The following TENT2 variants were observed in gnomAD, a reference collection of about 807,000 sequenced individuals.
TENT2 encodes terminal nucleotidyltransferase 2.
Under a neutral mutation model 72.2 loss-of-function variants are expected in TENT2, and 44 were observed. That is an observed-to-expected ratio of 0.61 (90% confidence interval 0.48 to 0.78). The LOEUF (loss-of-function observed/expected upper bound fraction) is 0.78, where lower values mean the gene tolerates loss of function less well. Ranked by LOEUF, TENT2 falls within the 30% of genes least tolerant of loss-of-function variation. TENT2 has a pLI of 0.00. For synonymous variants in TENT2, 212 were observed against 192.5 expected (o/e 1.10, Z -0.84); for missense variants, 541 against 569.6 (o/e 0.95, Z 0.51).
At position 79,641,098 on chromosome 5, in the gene TENT2, T is replaced by C; in HGVS notation, c.581-7T>C. On this transcript the variant is annotated splice_polypyrimidine_tract_variant and splice_region_variant and intron_variant, in intron 5 of 14. Transcript: ENST00000453514. Reference sequence around the variant, plus strand: ...AATACTCTTATTACTTTCTTCTGTTTCTTTAGAAAGCAGACTTTTTTTGGT... The same window carrying C: ...AATACTCTTATTACTTTCTTCTGTTCCTTTAGAAAGCAGACTTTTTTTGGT... The C allele has an allele frequency of 6.4e-7, 1 of 1,566,620 alleles. No individual in the cohort carries two copies. Among genetic ancestry groups the C allele is most frequent in the Non-Finnish European group, 8.6e-7 (1 of 1,165,482 alleles).
intron 12 of TENT2, among the ~76,000 whole-genome samples, chr5:79,676,518 C>T (rs1361937403): frequency 3.9e-5 from 6 of 151,978 alleles, no homozygotes; most frequent in African/African-American, 9.7e-5. Flanking sequence ...CTGGGAGGCA[C>T]GGAGGTTGCA....
At chr5:79,641,657 C>T (rs935893345) in intron 6 of TENT2, among the ~76,000 whole-genome samples, 11 of 150,290 alleles carry the variant, frequency 7.3e-5, no homozygotes, top group African/African-American at 2.5e-5. Flanking sequence ...AAATAAGACT[C>T]GTGTTTATTA....
chr5:79,661,647 T>C (rs1317995753), intron 11 of TENT2, among the ~76,000 whole-genome samples: 1 of 152,214 alleles, frequency 6.6e-6, no homozygotes, highest in Non-Finnish European at 1.5e-5. Context: ...TAAAAATGCT[T>C]TATTGCTACA....
chr5:79,640,908 A>T lies in TENT2; in HGVS notation c.523A>T (p.Lys175Ter). 1 of 1,612,704 alleles carries T rather than the reference A, an allele frequency of 6.2e-7. No homozygotes were observed. The highest frequency in any genetic ancestry group is 8.5e-7 in the Non-Finnish European group (1 of 1,179,488). ...ETCQQQISDL[K>*]KKELCRTQLQ... Reference sequence around the variant, plus strand: ...ATGTCAGCAGCAAATAAGTGATTTAAAGAAGAAAGAACTCTGTCGAACACA... The same window carrying T: ...ATGTCAGCAGCAAATAAGTGATTTATAGAAGAAAGAACTCTGTCGAACACA... The change falls in exon 5 of 15, where the codon AAG (lysine) becomes TAG (stop). Residue 175 changes from lysine to a stop codon, truncating the protein, a stop_gained. Transcript: ENST00000453514. LOFTEE classifies it high-confidence loss of function.
intron 12 of TENT2, 89 bp from the exon 13 acceptor site, chr5:79,679,490 T>C: frequency 5.2e-6 from 4 of 763,148 alleles, no homozygotes; most frequent in Non-Finnish European, 7.6e-6. Context: ...CACAAGAAAA[T>C]TGGGGTAGGC....
At chr5:79,630,201 G>A (rs6862519) in intron 4 of TENT2, among the ~76,000 whole-genome samples, 2 of 151,972 alleles carry the variant, frequency 1.3e-5, no homozygotes, top group African/African-American at 4.8e-5. Context: ...CAGGAAATTA[G>A]TGAGTGCTGA....
At chr5:79,632,669 A>G (rs1002464249) in intron 4 of TENT2, among the ~76,000 whole-genome samples, 6 of 152,188 alleles carry the variant, frequency 3.9e-5, no homozygotes, top group Admixed American at 2.0e-4. Context: ...GTAATGTTAA[A>G]TTTGAGAAGG....
At chr5:79,618,294 A>G (rs1439038515) in intron 1 of TENT2, among the ~76,000 whole-genome samples, 3 of 152,076 alleles carry the variant, frequency 2.0e-5, no homozygotes, top group Non-Finnish European at 2.9e-5. Flanking sequence ...TGGCATGAAC[A>G]TGGTTCACTA....
chr5:79,666,697 T>C (rs1808384463), intron 11 of TENT2, among the ~76,000 whole-genome samples: 1 of 152,190 alleles, frequency 6.6e-6, no homozygotes, highest in Non-Finnish European at 1.5e-5. Context: ...TTCTTTCTGT[T>C]TGCCTGGAGA....
chr5:79,675,079 T>C (rs555566003), intron 12 of TENT2, among the ~76,000 whole-genome samples: 30 of 152,184 alleles, frequency 2.0e-4, no homozygotes, highest in Admixed American at 1.1e-3. Flanking sequence ...ACTCATTCTC[T>C]AGAGCAGAAA....
intron 7 of TENT2, 97 bp downstream of exon 7, chr5:79,643,007 C>G: frequency 2.7e-6 from 4 of 1,455,742 alleles, no homozygotes; most frequent in Non-Finnish European, 3.7e-6. Context: ...TTATTCTGGT[C>G]AGGATCAGTA....
chr5:79,642,862 G>A lies in TENT2; in HGVS notation c.703G>A (p.Ala235Thr). 1 of 1,611,388 alleles carries A rather than the reference G, an allele frequency of 6.2e-7. No homozygotes were observed. Among genetic ancestry groups the A allele is most frequent in the Non-Finnish European group, 8.5e-7 (1 of 1,178,886 alleles). ...CFFQVNQKTE[A>T]RHILTLVHKH... ...TTTTCAGGTAAATCAGAAGACTGAA[G>A]CACGGCATATACTCACCTTAGTCCA... is the stretch of plus-strand genomic sequence containing the variant. The change falls in exon 7 of 15, where the codon GCA becomes ACA. Residue 235 changes from alanine to threonine, a missense_variant. Ala to Thr is a moderately conservative substitution (Grantham distance 58). Transcript: ENST00000453514.
Position 79,668,594 on chromosome 5 carries a change from T to TGG in TENT2, c.1072-298_1072-297insGG. On this transcript the variant is annotated intron_variant, in intron 11 of 14. Transcript: ENST00000453514. ...CTATATGGTATTGGGTAGATCTTGGTTTGTATAGTAAGGTTTTATTTATGA... is the reference window on the plus strand; with the variant it reads ...CTATATGGTATTGGGTAGATCTTGGTGGTTGTATAGTAAGGTTTTATTTATGA... 6.6e-5 allele frequency: 16 copies of TGG among 241,272 alleles called. No individual in the cohort carries two copies. In the East Asian group the frequency reaches 8.8e-4, roughly 13 times the overall value. The allele number at this position is 241,272 out of a possible 1,614,324, so 14.9% of individuals were successfully genotyped here.
At chr5:79,657,408 A>G (rs1196372927) in intron 11 of TENT2, among the ~76,000 whole-genome samples, 2 of 152,154 alleles carry the variant, frequency 1.3e-5, no homozygotes, top group African/African-American at 4.8e-5. Context: ...GCAGGGGGAA[A>G]GAAGTTGGAC....
rs957235013 is a variant in TENT2, at chr5:79,685,574, T to C, written c.*301T>C. 4.6e-6 allele frequency: 1 copy of C among 217,334 alleles called. No individual in the cohort carries two copies. 13.5% of individuals were successfully genotyped at this position (217,334 alleles called of 1,614,324 possible). A position where few individuals can be genotyped will look rare whatever the true frequency, so the allele number is the denominator to read the frequency against. ...CTGAACAAATAAAAAGTTTTTGATATAACTTCAATTAATTGTACCACATGC... is the reference window on the plus strand; with the variant it reads ...CTGAACAAATAAAAAGTTTTTGATACAACTTCAATTAATTGTACCACATGC... On this transcript the variant is annotated 3_prime_UTR_variant, in exon 15 of 15. Coordinates refer to ENST00000453514, the MANE Select transcript of TENT2 (RefSeq NM_001114394.3).
Position 79,684,953 on chromosome 5 carries a change from G to T in TENT2, c.1381-246G>T, listed in dbSNP as rs574518605. ...TACGCCTGTAGTCCCAGCTACTCAG[G>T]AGGCAGAGGTGGGAGGATCTCTTGA... On this transcript the variant is annotated intron_variant, in intron 14 of 14. Coordinates refer to ENST00000453514, the MANE Select transcript of TENT2 (RefSeq NM_001114394.3). 2.7e-3 allele frequency among the ~76,000 whole-genome samples: 418 copies of T among 152,284 alleles called. 1 individual carries two copies. Among genetic ancestry groups the T allele is most frequent in the African/African-American group, 9.5e-3 (395 of 41,546 alleles).
chr5:79,660,900 A>G (rs765710952), intron 11 of TENT2, among the ~76,000 whole-genome samples: 19 of 152,166 alleles, frequency 1.2e-4, no homozygotes, highest in Non-Finnish European at 1.8e-4. Flanking sequence ...CATGATGTGG[A>G]GGTGGAAGAC....
intron 3 of TENT2, 66 bp from the exon 4 acceptor site, chr5:79,623,186 A>G: frequency 9.1e-7 from 1 of 1,097,866 alleles, no homozygotes; most frequent in Non-Finnish European, 1.3e-6. Flanking sequence ...ATATATATTT[A>G]ATTGCTTTTT....
At chr5:79,681,740 T>G (rs1049582472) in intron 13 of TENT2, 5 of 357,352 alleles carry the variant, frequency 1.4e-5, no homozygotes, top group African/African-American at 1.0e-4. Flanking sequence ...AACACACCTA[T>G]GCTGATGACT....
Sources: gnomAD v4.1 joint callset for allele counts (sites outside exome capture counted in the v4.1 genomes callset) on GRCh38, gnomAD v4.1.1 for gene constraint, MANE v1.5 for transcripts, NCBI Gene and HGNC (gene_info 2026-07-23, HGNC 2026-07-21) for gene names.